ABCC9: variants seen among roughly 807,000 people sequenced by gnomAD.
The protein encoded by ABCC9 is ATP binding cassette subfamily C member 9, also known as ATP-binding cassette sub-family C member 9.
In ABCC9, 95 loss-of-function variants were observed where a neutral mutation model predicts 188.3. The observed-to-expected ratio is 0.50, with a 90% CI of 0.43 to 0.60. The LOEUF (loss-of-function observed/expected upper bound fraction) is 0.60. Ranked by LOEUF, ABCC9 falls within the 20% of genes least tolerant of loss-of-function variation. The probability of loss-of-function intolerance (pLI) is 0.00; values close to 1 mark genes in which losing one functional copy is unlikely to be tolerated. For missense variants in ABCC9, 1,102 were observed against 1,876.3 expected, an observed-to-expected ratio of 0.59 and a Z score of 7.62; for synonymous variants, 659 against 652.7, an observed-to-expected ratio of 1.01 and a Z score of -0.15.
Position 21,802,180 on chromosome 12 carries a change from A to G in ABCC9, c.4513-999T>C, listed in dbSNP as rs576393414. ...TAACATTGTATAGTTCCAGTTTCAC[A>G]TCTGTAAAATTATGGTATAGTACCT... On this transcript the variant is annotated intron_variant, in intron 39 of 39. Coordinates refer to ENST00000261200, the MANE Select transcript of ABCC9 (RefSeq NM_020297.4). Among the ~76,000 whole-genome samples the G allele has an allele frequency of 3.3e-5, 5 of 152,328 alleles. No individual in the cohort carries two copies. In the South Asian group the frequency reaches 1.0e-3, roughly 32 times the overall value.
chr12:21,932,200 T>A, intron 4 of ABCC9, among the ~76,000 whole-genome samples: 1 of 151,750 alleles, frequency 6.6e-6, no homozygotes, highest in East Asian at 2.0e-4. Context: ...TTTCACCAGA[T>A]TATGTTCAAG....
At chr12:21,875,614 T>C in intron 17 of ABCC9, 40 bp downstream of exon 17, 1 of 1,423,850 alleles carries the variant, frequency 7.0e-7, no homozygotes, top group Non-Finnish European at 9.9e-7. Context: ...ATGGTTACGG[T>C]CATGAACAAT....
intron 37 of ABCC9, among the ~76,000 whole-genome samples, chr12:21,807,870 C>G (rs934229485): frequency 1.3e-5 from 2 of 152,122 alleles, no homozygotes; most frequent in Admixed American, 1.3e-4. Flanking sequence ...AGAATATTCT[C>G]AACTCTAATT....
chr12:21,898,855 A>G (rs1335522066), intron 12 of ABCC9, among the ~76,000 whole-genome samples: 1 of 152,196 alleles, frequency 6.6e-6, no homozygotes, highest in African/African-American at 2.4e-5. Flanking sequence ...AGAAGTCTCT[A>G]TTTTGAAATT....
chr12:21,854,214 G>A (rs1033389291), intron 22 of ABCC9, among the ~76,000 whole-genome samples: 1 of 152,222 alleles, frequency 6.6e-6, no homozygotes, highest in Non-Finnish European at 1.5e-5. Context: ...AAGTTTGGAA[G>A]TTAGAATAAA....
Position 21,844,810 on chromosome 12 carries a change from G to GA in ABCC9, c.3201dup (p.Leu1068SerfsTer8). On this transcript the variant is annotated frameshift_variant, in exon 27 of 40. Coordinates refer to ENST00000261200, the MANE Select transcript of ABCC9 (RefSeq NM_020297.4). LOFTEE classifies it high-confidence loss of function. Reference sequence around the variant, plus strand: ...ATCTTATTGAGAAGGTTGTGGTGAAGATTTTTGGCAGCTGTGAGACCCATC... The same window carrying GA: ...ATCTTATTGAGAAGGTTGTGGTGAAGAATTTTTGGCAGCTGTGAGACCCATC... 1 of 1,613,992 alleles carries GA rather than the reference G, an allele frequency of 6.2e-7. No individual in the cohort carries two copies. The highest frequency in any genetic ancestry group is 8.5e-7 in the Non-Finnish European group (1 of 1,179,876).
intron 39 of ABCC9, chr12:21,805,199 G>T: frequency 6.2e-7 from 1 of 1,614,016 alleles, no homozygotes; most frequent in Non-Finnish European, 8.5e-7. Context: ...CACCAAAGTG[G>T]AAAAGAGGCC....
intron 7 of ABCC9, among the ~76,000 whole-genome samples, 154 bp downstream of exon 7, chr12:21,915,514 A>ATATATATATATAT: frequency 2.8e-4 from 1 of 3,520 alleles, no homozygotes; most frequent in African/African-American, 1.1e-3. Flanking sequence ...ATATATATAT[A>ATATATATATATAT]TTTTTTTTTT....
At chr12:21,871,400 A>G (rs1293397771) in intron 18 of ABCC9, among the ~76,000 whole-genome samples, 3 of 152,216 alleles carry the variant, frequency 2.0e-5, no homozygotes, top group Non-Finnish European at 4.4e-5. Flanking sequence ...CAGGGATAAA[A>G]TGTACACTCA....
At chr12:21,869,352 C>T (rs1410804734) in intron 18 of ABCC9, among the ~76,000 whole-genome samples, 1 of 152,208 alleles carries the variant, frequency 6.6e-6, no homozygotes. Flanking sequence ...ACCTTCATCT[C>T]TCATCTGAAT....
At position 21,815,938 on chromosome 12, in the gene ABCC9, G is replaced by C. The variant is rs747913140; in HGVS notation, c.3893-45C>G. 4 of 1,489,764 alleles carry C rather than the reference G, an allele frequency of 2.7e-6. No individual in the cohort carries two copies. The East Asian group carries it at 7.7e-5, about 29-fold the overall frequency. 92.3% of individuals were successfully genotyped at this position (1,489,764 alleles called of 1,614,324 possible). On this transcript the variant is annotated intron_variant, in intron 33 of 39. Transcript: ENST00000261200. The stretch of plus-strand genomic sequence containing the variant: ...AATAGACAGATAATAGGCAGATAGA[G>C]ATTGATGTAGAAAGAAATGTATACA...
chr12:21,802,020 G>A (rs1941468816), intron 39 of ABCC9, among the ~76,000 whole-genome samples: 2 of 152,090 alleles, frequency 1.3e-5, no homozygotes, highest in Non-Finnish European at 1.5e-5. Context: ...TGTTTCATAA[G>A]GCTCTCTGAT....
At chr12:21,920,053 T>A (rs867015426) in intron 5 of ABCC9, among the ~76,000 whole-genome samples, 2 of 152,014 alleles carry the variant, frequency 1.3e-5, no homozygotes, top group African/African-American at 4.8e-5. Context: ...AAGACTTTAA[T>A]AACACCCTGA....
At chr12:21,808,920 C>G (rs928414140) in intron 37 of ABCC9, among the ~76,000 whole-genome samples, 1 of 152,012 alleles carries the variant, frequency 6.6e-6, no homozygotes, top group Non-Finnish European at 1.5e-5. Context: ...GTGGCATACT[C>G]TCTCCTTGGA....
At chr12:21,871,542 G>A (rs1043146819) in intron 18 of ABCC9, among the ~76,000 whole-genome samples, 5 of 151,910 alleles carry the variant, frequency 3.3e-5, no homozygotes, top group African/African-American at 9.7e-5. Context: ...CTCTTAAAAG[G>A]CCCATAGTCT....
intron 14 of ABCC9, 136 bp from the exon 15 acceptor site, chr12:21,888,070 G>A (rs1327213995): frequency 1.4e-6 from 1 of 716,236 alleles, no homozygotes; most frequent in African/African-American, 1.7e-5. Context: ...AAGACCAACT[G>A]GGAATTCAGC....
intron 4 of ABCC9, among the ~76,000 whole-genome samples, chr12:21,931,691 A>C (rs1949296146): frequency 6.6e-6 from 1 of 152,166 alleles, no homozygotes; most frequent in African/African-American, 2.4e-5. Flanking sequence ...ATATTGGATG[A>C]TCTATCTTCT....
chr12:21,902,141 A>G (rs1947789171), intron 12 of ABCC9, among the ~76,000 whole-genome samples: 1 of 151,962 alleles, frequency 6.6e-6, no homozygotes, highest in Non-Finnish European at 1.5e-5. Flanking sequence ...GGATTAAGAA[A>G]CTCACTCAAA....
In ABCC9 at chr12:21,910,144, T is replaced by G; in HGVS notation, c.1320+13A>C. On this transcript the variant is annotated intron_variant, in intron 10 of 39. Coordinates refer to ENST00000261200, the MANE Select transcript of ABCC9 (RefSeq NM_020297.4). ...TCTGCAGACAAAAATCTTACTTATATTTATCTACCTACCTGAACAGGCATA... is the reference window on the plus strand; with the variant it reads ...TCTGCAGACAAAAATCTTACTTATAGTTATCTACCTACCTGAACAGGCATA... The G allele has an allele frequency of 6.2e-7, 1 of 1,604,856 alleles. No individual in the cohort carries two copies. Among genetic ancestry groups the G allele is most frequent in the East Asian group, 2.2e-5 (1 of 44,772 alleles).
Sources: allele counts gnomAD v4.1 joint callset (sites outside exome capture counted in the v4.1 genomes callset), GRCh38; gene constraint gnomAD v4.1.1; transcripts MANE v1.5; gene names NCBI Gene and HGNC (gene_info 2026-07-23, HGNC 2026-07-21).